TUBGCP3: variants seen among roughly 807,000 people sequenced by gnomAD.
TUBGCP3 encodes the protein tubulin gamma complex component 3.
A neutral mutation model predicts 123.1 loss-of-function variants in TUBGCP3; 50 were observed. The ratio of observed to expected loss-of-function variants is 0.41; its 90% confidence interval spans 0.32 to 0.51. The LOEUF (loss-of-function observed/expected upper bound fraction) is 0.51. Ranked by LOEUF, TUBGCP3 falls within the 20% of genes least tolerant of loss-of-function variation. The probability of loss-of-function intolerance (pLI) is 0.36; values close to 1 mark genes in which losing one functional copy is unlikely to be tolerated. For missense variants in TUBGCP3, 882 were observed against 1,127.0 expected, an observed-to-expected ratio of 0.78 and a Z score of 3.11; for synonymous variants, 405 against 413.9, an observed-to-expected ratio of 0.98 and a Z score of 0.26.
chr13:112,490,290 C>T (rs145490293), intron 20 of TUBGCP3, among the ~76,000 whole-genome samples: 438 of 152,306 alleles, frequency 2.9e-3, no homozygotes, highest in African/African-American at 9.7e-3. Context: ...GATGGAGTTT[C>T]GCTCTCCCAT....
intron 20 of TUBGCP3, chr13:112,498,688 G>A: frequency 1.5e-6 from 2 of 1,346,654 alleles, no homozygotes; most frequent in Non-Finnish European, 2.0e-6. Context: ...ATGCAGCATG[G>A]TGCACGATCC....
At chr13:112,601,460 C>T in the TUBGCP3 span, among the ~76,000 whole-genome samples, 1 of 152,318 alleles carries the variant, frequency 6.6e-6, no homozygotes, top group East Asian at 1.9e-4. Flanking sequence ...GTAGCGTTAA[C>T]AGCGCTTCAC....
chr13:112,519,543 T>G lies in TUBGCP3; in HGVS notation c.1881+343A>C, dbSNP rs562759252. Among the ~76,000 whole-genome samples, 24 of 152,314 alleles carry G rather than the reference T, an allele frequency of 1.6e-4. No individual in the cohort carries two copies. The highest frequency in any genetic ancestry group is 3.4e-3 in the Middle Eastern group (1 of 294). On this transcript the variant is annotated intron_variant, in intron 15 of 21. Coordinates refer to ENST00000261965, the MANE Select transcript of TUBGCP3 (RefSeq NM_006322.6). The surrounding 1 kb of genome is among the most constrained non-coding windows in gnomAD (Gnocchi z 6.2). Reference sequence around the variant, plus strand: ...TCGTACACCATGTCTTGTGCTCCTGTTGGATTTACTATGAGAAGAAAGCAC... The same window carrying G: ...TCGTACACCATGTCTTGTGCTCCTGGTGGATTTACTATGAGAAGAAAGCAC...
chr13:112,559,223 C>A, intron 4 of TUBGCP3, 99 bp downstream of exon 4: 1 of 955,642 alleles, frequency 1.0e-6, no homozygotes, highest in Non-Finnish European at 1.6e-6. Context: ...AAGCTTGTTG[C>A]TTTCCTAGCA....
At chr13:112,564,572 T>A (rs1258606077) in intron 3 of TUBGCP3, among the ~76,000 whole-genome samples, 2 of 152,158 alleles carry the variant, frequency 1.3e-5, no homozygotes, top group Non-Finnish European at 1.5e-5. Flanking sequence ...TCCCAGCTAC[T>A]TGGGAGGCCC....
At chr13:112,594,469 A>T in the TUBGCP3 span, among the ~76,000 whole-genome samples, 3 of 152,226 alleles carry the variant, frequency 2.0e-5, no homozygotes. Context: ...AACTTTCACA[A>T]CCTGATAAAG....
chr13:112,588,994 G>C (rs1882811526), upstream of TUBGCP3, among the ~76,000 whole-genome samples: 1 of 152,212 alleles, frequency 6.6e-6, no homozygotes, highest in Non-Finnish European at 1.5e-5. Flanking sequence ...TCAAAAACAT[G>C]GAGACAAAGC....
chr13:112,565,752 G>A (rs541315124), intron 2 of TUBGCP3, among the ~76,000 whole-genome samples: 1 of 152,284 alleles, frequency 6.6e-6, no homozygotes, highest in African/African-American at 2.4e-5. Context: ...GGCTAACACG[G>A]TGAAACCGAG....
intron 10 of TUBGCP3, 34 bp downstream of exon 10, chr13:112,547,586 G>A: frequency 6.9e-7 from 1 of 1,451,854 alleles, no homozygotes; most frequent in Non-Finnish European, 9.2e-7. Context: ...GTCGCGCGTG[G>A]GAAAGACGTG....
In TUBGCP3 at chr13:112,524,186, C is replaced by T. The variant is rs567280104; in HGVS notation, c.1556-1677G>A. Among the ~76,000 whole-genome samples the T allele has an allele frequency of 1.4e-4, 21 of 152,318 alleles. No individual in the cohort carries two copies. The highest frequency in any genetic ancestry group is 6.2e-4 in the South Asian group (3 of 4,832). ...TAACCTACACACATCTTCCCATATA[C>T]GGTAAATCATCTCTAAATTACTTAT... On this transcript the variant is annotated intron_variant, in intron 13 of 21. Coordinates refer to ENST00000261965, the MANE Select transcript of TUBGCP3 (RefSeq NM_006322.6). The surrounding 1 kb of genome is among the most constrained non-coding windows in gnomAD (Gnocchi z 4.4).
intron 2 of TUBGCP3, among the ~76,000 whole-genome samples, chr13:112,567,933 G>C (rs1490850271): frequency 1.3e-5 from 2 of 151,178 alleles, no homozygotes; most frequent in African/African-American, 4.9e-5. Flanking sequence ...TTATTACTGA[G>C]ACCCACAGCC....
chr13:112,555,042 C>A, intron 6 of TUBGCP3, 37 bp from the exon 7 acceptor site: 1 of 1,323,732 alleles, frequency 7.6e-7, no homozygotes, highest in Non-Finnish European at 1.1e-6. Flanking sequence ...AATTACTAGA[C>A]AATATTTTAA....
chr13:112,531,142 A>G (rs1039604857), intron 11 of TUBGCP3, among the ~76,000 whole-genome samples: 4 of 149,938 alleles, frequency 2.7e-5, no homozygotes, highest in African/African-American at 1.0e-4. Flanking sequence ...AAAATCTTCT[A>G]TTTGATCCTT....
chr13:112,544,317 T>TG (rs779500511), intron 11 of TUBGCP3, among the ~76,000 whole-genome samples: 1 of 151,872 alleles, frequency 6.6e-6, no homozygotes, highest in Non-Finnish European at 1.5e-5. Context: ...CCAGGCATGG[T>TG]GGCGGGCACC....
At chr13:112,504,554 A>C in intron 18 of TUBGCP3, 72 bp downstream of exon 18, 1 of 1,034,534 alleles carries the variant, frequency 9.7e-7, no homozygotes, top group Non-Finnish European at 1.5e-6. Flanking sequence ...ACACATATAT[A>C]TATATATATA....
At chr13:112,531,703 T>C (rs1877591741) in intron 11 of TUBGCP3, among the ~76,000 whole-genome samples, 1 of 152,072 alleles carries the variant, frequency 6.6e-6, no homozygotes, top group Non-Finnish European at 1.5e-5. Context: ...CACTGCTTCA[T>C]CTAAGGGCAA....
rs762978101 is a variant in TUBGCP3, at chr13:112,526,938, A to G, written c.1555+4T>C. On this transcript the variant is annotated splice_donor_region_variant and intron_variant, in intron 13 of 21. Transcript: ENST00000261965. ...TCATCACCACCCCACCAGCATCATC[A>G]TACCGTCCTGGGGTGACTCTGCAGA... 20 of 1,607,152 alleles carry G rather than the reference A, an allele frequency of 1.2e-5. No homozygotes were observed. The African/African-American group carries it at 2.3e-4, about 18-fold the overall frequency.
intron 17 of TUBGCP3, among the ~76,000 whole-genome samples, chr13:112,506,087 A>G (rs1454212616): frequency 6.6e-6 from 1 of 152,224 alleles, no homozygotes; most frequent in East Asian, 1.9e-4. Context: ...AAAAGACAAA[A>G]AAAGAACTTG....
chr13:112,547,828 A>G, intron 9 of TUBGCP3, 76 bp from the exon 10 acceptor site: 1 of 1,347,894 alleles, frequency 7.4e-7, no homozygotes, highest in Non-Finnish European at 9.7e-7. Flanking sequence ...ATATCAAGTG[A>G]ACATAAGAAA....
Sources: gnomAD v4.1 joint callset for allele counts (sites outside exome capture counted in the v4.1 genomes callset) on GRCh38, gnomAD v4.1.1 for gene constraint, Gnocchi (gnomAD v3.1) non-coding constraint, MANE v1.5 for transcripts, NCBI Gene and HGNC (gene_info 2026-07-23, HGNC 2026-07-21) for gene names.